The following BRIP1 variants were observed in gnomAD, a reference collection of about 807,000 sequenced individuals.
The protein encoded by BRIP1 is BRCA1 interacting DNA helicase 1, also known as Fanconi anemia group J protein.
A neutral mutation model predicts 119.7 loss-of-function variants in BRIP1; 88 were observed. The observed-to-expected ratio is 0.74, with a 90% CI of 0.62 to 0.88. The LOEUF (loss-of-function observed/expected upper bound fraction) is 0.88. Among genes scored for constraint, BRIP1 ranks in the 40% least tolerant of loss-of-function variants. The probability of loss-of-function intolerance (pLI) is 0.00; values close to 1 mark genes in which losing one functional copy is unlikely to be tolerated. For synonymous variants in BRIP1, 443 were observed against 496.5 expected (o/e 0.89, Z 1.43); for missense variants, 1,259 against 1,455.4 (o/e 0.87, Z 2.20).
chr17:61,752,735 A>C lies in BRIP1; in HGVS notation c.2098-8144T>G, dbSNP rs764587157. Reference sequence around the variant, plus strand: ...AAAATCTGTGATAGGTGTTAACTTTATATGTGAGCTATGACTTTATCTTTT... The same window carrying C: ...AAAATCTGTGATAGGTGTTAACTTTCTATGTGAGCTATGACTTTATCTTTT... On this transcript the variant is annotated intron_variant, in intron 14 of 19. Coordinates refer to ENST00000259008, the MANE Select transcript of BRIP1 (RefSeq NM_032043.3). This position sits in a 1 kb window ranked among gnomAD's most constrained non-coding sequence, Gnocchi z 6.2. Among the ~76,000 whole-genome samples, 2 of 152,168 alleles carry C rather than the reference A, an allele frequency of 1.3e-5. No homozygotes were observed. Among genetic ancestry groups the C allele is most frequent in the Non-Finnish European group, 2.9e-5 (2 of 68,032 alleles).
chr17:61,731,981 C>CTTTTTTTTTTTTTTTTTTT (rs71299809), intron 16 of BRIP1, among the ~76,000 whole-genome samples: 3 of 83,008 alleles, frequency 3.6e-5, no homozygotes, highest in Non-Finnish European at 6.7e-5. Context: ...TTCTTTCTTT[C>CTTTTTTTTTTTTTTTTTTT]TTTTTTTTTT....
In BRIP1 at chr17:61,852,770, A is replaced by G. The variant is rs2078840832; in HGVS notation, c.380-3514T>C. Reference sequence around the variant, plus strand: ...CATATGAAGTCACCAGAGAAATACTAACTAAAACCCAATGAGAATACCACA... The same window carrying G: ...CATATGAAGTCACCAGAGAAATACTGACTAAAACCCAATGAGAATACCACA... On this transcript the variant is annotated intron_variant, in intron 4 of 19. Transcript: ENST00000259008. This position sits in a 1 kb window ranked among gnomAD's most constrained non-coding sequence, Gnocchi z 4.9. Among the ~76,000 whole-genome samples, 1 of 152,222 alleles carries G rather than the reference A, an allele frequency of 6.6e-6. No homozygotes were observed. Among genetic ancestry groups the G allele is most frequent in the Admixed American group, 6.5e-5 (1 of 15,284 alleles).
chr17:61,702,136 T>G (rs1470742145), intron 17 of BRIP1, among the ~76,000 whole-genome samples: 1 of 152,228 alleles, frequency 6.6e-6, no homozygotes, highest in African/African-American at 2.4e-5. Flanking sequence ...TTCTCATTGC[T>G]TTTAGAAATT....
At position 61,801,378 on chromosome 17, in the gene BRIP1, C is replaced by A; in HGVS notation, c.1015G>T (p.Glu339Ter). Residue 339 changes from glutamate (E) to a stop codon, truncating the protein, a stop_gained, in exon 8 of 20, where the codon GAA (glutamate) becomes TAA (stop). Coordinates refer to ENST00000259008, the MANE Select transcript of BRIP1 (RefSeq NM_032043.3). LOFTEE classifies it high-confidence loss of function. The stretch of plus-strand genomic sequence containing the variant: ...AGTTTCTTCCCCAGGCTGACAAGTT[C>A]TTCTATATCCCAGGCTTTGCACATC... Reference protein sequence around the residue: ...QGMCKAWDIEELVSLGKKLKA... With the variant: ...QGMCKAWDIE 6.2e-7 allele frequency: 1 copy of A among 1,613,946 alleles called. No homozygotes were observed. The highest frequency in any genetic ancestry group is 8.5e-7 in the Non-Finnish European group (1 of 1,179,896).
intron 10 of BRIP1, among the ~76,000 whole-genome samples, chr17:61,790,456 G>A (rs1014261150): frequency 2.0e-5 from 3 of 151,986 alleles, no homozygotes; most frequent in African/African-American, 7.3e-5. Context: ...TGAGGCAGGA[G>A]AATCACTTGA....
At position 61,689,198 on chromosome 17, in the gene BRIP1, C is replaced by A. The variant is rs1471627319; in HGVS notation, c.2576-3033G>T. ...AGCTGGGACTACAGGCATGTACCAC[C>A]ACACCCGGCTAATTGTCGTATTTTT... On this transcript the variant is annotated intron_variant, in intron 18 of 19. Transcript: ENST00000259008. This position sits in a 1 kb window ranked among gnomAD's most constrained non-coding sequence, Gnocchi z 4.5. Among the ~76,000 whole-genome samples, 1 of 151,962 alleles carries A rather than the reference C, an allele frequency of 6.6e-6. No individual in the cohort carries two copies. The highest frequency in any genetic ancestry group is 6.6e-5 in the Admixed American group (1 of 15,236).
rs1252549238 is a variant in BRIP1 at position 61,770,414 on chromosome 17, C to T, written c.2097+5987G>A. On this transcript the variant is annotated intron_variant, in intron 14 of 19. Transcript: ENST00000259008. This position sits in a 1 kb window ranked among gnomAD's most constrained non-coding sequence, Gnocchi z 4.7. ...TCCACATTAAGAATTAATTAAAGAG[C>T]ACTGGTCAAGATAACTACAAGGTAG... Among the ~76,000 whole-genome samples, 2 of 152,028 alleles carry T rather than the reference C, an allele frequency of 1.3e-5. No individual in the cohort carries two copies. Among genetic ancestry groups the T allele is most frequent in the Admixed American group, 6.6e-5 (1 of 15,252 alleles).
At chr17:61,813,657 T>C (rs544637686) in intron 6 of BRIP1, among the ~76,000 whole-genome samples, 52 of 152,214 alleles carry the variant, frequency 3.4e-4, no homozygotes, top group Non-Finnish European at 6.3e-4. Context: ...GTGACAAACA[T>C]ATATCCCAAT....
Position 61,687,514 on chromosome 17 carries a change from A to G in BRIP1, c.2576-1349T>C, listed in dbSNP as rs1046317836. On this transcript the variant is annotated intron_variant, in intron 18 of 19. Transcript: ENST00000259008. The surrounding 1 kb of genome is among the most constrained non-coding windows in gnomAD (Gnocchi z 5.1). ...TTTCTGCTTTATGTTTTAATATCAAACCAAATACAGTCATTAAGCTCTGAA... is the reference window on the plus strand; with the variant it reads ...TTTCTGCTTTATGTTTTAATATCAAGCCAAATACAGTCATTAAGCTCTGAA... Among the ~76,000 whole-genome samples the G allele has an allele frequency of 6.6e-6, 1 of 152,304 alleles. No homozygotes were observed. The highest frequency in any genetic ancestry group is 1.9e-4 in the East Asian group (1 of 5,180).
At position 61,861,515 on chromosome 17, in the gene BRIP1, T is replaced by C. The variant is rs2078973246; in HGVS notation, c.25A>G (p.Thr9Ala). 6.2e-7 allele frequency: 1 copy of C among 1,612,818 alleles called. No individual in the cohort carries two copies. The highest frequency in any genetic ancestry group is 8.5e-7 in the Non-Finnish European group (1 of 1,178,946). MSSMWSEY[T>A]IGGVKIYFPY... ...AAGTAAATCTTCACCCCACCAATTG[T>C]ATATTCAGACCACATTGAAGACATA... The change falls in exon 2 of 20, where the codon ACA (threonine) becomes GCA (alanine). Residue 9 changes from threonine (T) to alanine (A), a missense_variant. This residue lies in a region of BRIP1 where 501 missense variants were observed against 544.0 expected (regional missense o/e 0.92). Coordinates refer to ENST00000259008, the MANE Select transcript of BRIP1 (RefSeq NM_032043.3). The surrounding 1 kb of genome is among the most constrained non-coding windows in gnomAD (Gnocchi z 4.5).
In BRIP1 at chr17:61,710,466, A is replaced by C. The variant is rs2144333002; in HGVS notation, c.2492+5485T>G. Among the ~76,000 whole-genome samples, 1 of 152,340 alleles carries C rather than the reference A, an allele frequency of 6.6e-6. No individual in the cohort carries two copies. Among genetic ancestry groups the C allele is most frequent in the South Asian group, 2.1e-4 (1 of 4,828 alleles). ...CAACCAAAATGCTATAGGTTTACTA[A>C]GGTATAAATAACTCTAGTTGGAGAA... On this transcript the variant is annotated intron_variant, in intron 17 of 19. Coordinates refer to ENST00000259008, the MANE Select transcript of BRIP1 (RefSeq NM_032043.3). The surrounding 1 kb of genome is among the most constrained non-coding windows in gnomAD (Gnocchi z 5.4).
Position 61,735,369 on chromosome 17 carries a change from A to C in BRIP1, c.2379+7644T>G, listed in dbSNP as rs1012847205. Among the ~76,000 whole-genome samples, 4 of 151,902 alleles carry C rather than the reference A, an allele frequency of 2.6e-5. No homozygotes were observed. The highest frequency in any genetic ancestry group is 9.7e-5 in the African/African-American group (4 of 41,310). ...TCACAATTTTATTAAGTTGTGTAAG[A>C]CTCTGTATTGGCTGACTGGGGCTAG... On this transcript the variant is annotated intron_variant, in intron 16 of 19. Transcript: ENST00000259008. The surrounding 1 kb of genome is among the most constrained non-coding windows in gnomAD (Gnocchi z 4.4).
At chr17:61,840,306 C>T (rs1217206422) in intron 6 of BRIP1, among the ~76,000 whole-genome samples, 2 of 141,038 alleles carry the variant, frequency 1.4e-5, no homozygotes, top group Admixed American at 8.0e-5. Context: ...TGCAGTGAGC[C>T]GAGATCGCCC....
Position 61,745,200 on chromosome 17 carries a change from C to A in BRIP1, c.2098-609G>T, listed in dbSNP as rs539005440. Among the ~76,000 whole-genome samples the A allele has an allele frequency of 6.6e-6, 1 of 152,038 alleles. No homozygotes were observed. Among genetic ancestry groups the A allele is most frequent in the Non-Finnish European group, 1.5e-5 (1 of 68,024 alleles). On this transcript the variant is annotated intron_variant, in intron 14 of 19. Coordinates refer to ENST00000259008, the MANE Select transcript of BRIP1 (RefSeq NM_032043.3). This position sits in a 1 kb window ranked among gnomAD's most constrained non-coding sequence, Gnocchi z 4.4. ...CCAAGAAGTAGAAAATATATGGGCACAAATGGAACATTTACAGCCATGGGC... is the reference window on the plus strand; with the variant it reads ...CCAAGAAGTAGAAAATATATGGGCAAAAATGGAACATTTACAGCCATGGGC...
In BRIP1 at chr17:61,748,304, C is replaced by T. The variant is rs1001079809; in HGVS notation, c.2098-3713G>A. Reference sequence around the variant, plus strand: ...TGGAACAGTTTCATCCCGAAACCATCACCCCCACCCCCAACCCAGGTCTGT... The same window carrying T: ...TGGAACAGTTTCATCCCGAAACCATTACCCCCACCCCCAACCCAGGTCTGT... On this transcript the variant is annotated intron_variant, in intron 14 of 19. Coordinates refer to ENST00000259008, the MANE Select transcript of BRIP1 (RefSeq NM_032043.3). This position sits in a 1 kb window ranked among gnomAD's most constrained non-coding sequence, Gnocchi z 4.7. 6.6e-6 allele frequency among the ~76,000 whole-genome samples: 1 copy of T among 152,142 alleles called. No homozygotes were observed. Among genetic ancestry groups the T allele is most frequent in the African/African-American group, 2.4e-5 (1 of 41,430 alleles).
At position 61,682,577 on chromosome 17, in the gene BRIP1, T is replaced by C. The variant is rs1042696634; in HGVS notation, c.*719A>G. 1 of 196,026 alleles carries C rather than the reference T, an allele frequency of 5.1e-6. No individual in the cohort carries two copies. The highest frequency in any genetic ancestry group is 2.3e-5 in the African/African-American group (1 of 43,284). The allele number at this position is 196,026 out of a possible 1,614,324, so 12.1% of individuals were successfully genotyped here. ...AGGCAGTTTAATAACGAAATAAACC[T>C]TTCAAGACAAATGGTGATCTCTGAA... is the stretch of plus-strand genomic sequence containing the variant. On this transcript the variant is annotated 3_prime_UTR_variant, in exon 20 of 20. Transcript: ENST00000259008. The surrounding 1 kb of genome is among the most constrained non-coding windows in gnomAD (Gnocchi z 4.9).
Position 61,690,183 on chromosome 17 carries a change from A to G in BRIP1, c.2575+3247T>C, listed in dbSNP as rs2061426865. On this transcript the variant is annotated intron_variant, in intron 18 of 19. Transcript: ENST00000259008. This position sits in a 1 kb window ranked among gnomAD's most constrained non-coding sequence, Gnocchi z 5.6. ...AGATAAGCAAAAGCTGAGGGACTTC[A>G]CCACTAAACGTGCCTTACAAGATAT... Among the ~76,000 whole-genome samples the G allele has an allele frequency of 6.6e-6, 1 of 152,220 alleles. No individual in the cohort carries two copies. The highest frequency in any genetic ancestry group is 1.5e-5 in the Non-Finnish European group (1 of 68,034).
In BRIP1 at chr17:61,846,157, T is replaced by G. The variant is rs1263341342; in HGVS notation, c.627+944A>C. Among the ~76,000 whole-genome samples the G allele has an allele frequency of 1.3e-5, 2 of 151,436 alleles. No individual in the cohort carries two copies. Among genetic ancestry groups the G allele is most frequent in the Non-Finnish European group, 2.9e-5 (2 of 67,920 alleles). On this transcript the variant is annotated intron_variant, in intron 6 of 19. Transcript: ENST00000259008. This position sits in a 1 kb window ranked among gnomAD's most constrained non-coding sequence, Gnocchi z 4.3. ...AGATCACGCCACCGCACTTCCAGCC[T>G]GGGTGACAGAGCGATACTCCGTCTC... is the stretch of plus-strand genomic sequence containing the variant.
At position 61,683,861 on chromosome 17, in the gene BRIP1, G is replaced by A. The variant is rs770517912; in HGVS notation, c.3185C>T (p.Thr1062Ile). 9 of 1,614,150 alleles carry A rather than the reference G, an allele frequency of 5.6e-6. No homozygotes were observed. Among genetic ancestry groups the A allele is most frequent in the Non-Finnish European group, 7.6e-6 (9 of 1,180,008 alleles). The change falls in exon 20 of 20, where the codon ACA becomes ATA. Residue 1062 changes from threonine to isoleucine, a missense_variant. Thr to Ile is a moderately conservative substitution (Grantham distance 89). Coordinates refer to ENST00000259008, the MANE Select transcript of BRIP1 (RefSeq NM_032043.3). The surrounding 1 kb of genome is among the most constrained non-coding windows in gnomAD (Gnocchi z 4.7). Reference sequence around the variant, plus strand: ...TGATTGAGGGCATGATCCAAACGATGTGTTTACTGTCAGATTTGAGGATTC... The same window carrying A: ...TGATTGAGGGCATGATCCAAACGATATGTTTACTGTCAGATTTGAGGATTC... ...KCESSNLTVN[T>I]SFGSCPQSET...
Sources: allele counts gnomAD v4.1 joint callset (sites outside exome capture counted in the v4.1 genomes callset), GRCh38; gene constraint gnomAD v4.1.1; regional missense constraint gnomAD v4.1.1; non-coding constraint Gnocchi (gnomAD v3.1); transcripts MANE v1.5; gene names NCBI Gene and HGNC (gene_info 2026-07-23, HGNC 2026-07-21).